Variants in ZNF560 observed in about 807,000 individuals in gnomAD.
The protein encoded by ZNF560 is zinc finger protein 560.
In ZNF560, 54 loss-of-function variants were observed where a neutral mutation model predicts 81.8. The ratio of observed to expected loss-of-function variants is 0.66; its 90% CI spans 0.53 to 0.83. The LOEUF (loss-of-function observed/expected upper bound fraction) is 0.83. Among genes scored for constraint, ZNF560 ranks in the 40% least tolerant of loss-of-function variants. ZNF560 has a pLI of 0.00. For missense variants in ZNF560, 940 were observed against 932.4 expected (o/e 1.01, Z -0.11); for synonymous variants, 321 against 317.9 (o/e 1.01, Z -0.10).
the ZNF560 span, among the ~76,000 whole-genome samples, chr19:9,454,814 T>C: frequency 6.6e-6 from 1 of 151,880 alleles, no homozygotes; most frequent in African/African-American, 2.4e-5. Flanking sequence ...CCTTGGAAGC[T>C]TTTCACACTG....
intron 2 of ZNF560, among the ~76,000 whole-genome samples, chr19:9,479,773 A>AT (rs1161591401): frequency 1.3e-5 from 2 of 152,180 alleles, no homozygotes; most frequent in Non-Finnish European, 2.9e-5. Context: ...TAATCTAAAG[A>AT]TATTTTAAAG....
chr19:9,449,852 CCA>C, the ZNF560 span, among the ~76,000 whole-genome samples: 1 of 151,950 alleles, frequency 6.6e-6, no homozygotes, highest in African/African-American at 2.4e-5. Context: ...GCCTGTAATC[CCA>C]GTTACTTGGG....
At chr19:9,451,324 C>T in the ZNF560 span, among the ~76,000 whole-genome samples, 1 of 152,056 alleles carries the variant, frequency 6.6e-6, no homozygotes, top group East Asian at 1.9e-4. Flanking sequence ...AGCCACATAC[C>T]TACAACCATC....
At chr19:9,484,824 CT>C (rs1373894398) in intron 2 of ZNF560, among the ~76,000 whole-genome samples, 1 of 146,678 alleles carries the variant, frequency 6.8e-6, no homozygotes, top group African/African-American at 2.5e-5. Context: ...AAAATTAAGC[CT>C]TTAAAAAATA....
chr19:9,458,123 T>C, the ZNF560 span, among the ~76,000 whole-genome samples: 1 of 152,202 alleles, frequency 6.6e-6, no homozygotes, highest in African/African-American at 2.4e-5. Context: ...ACTCGGATTG[T>C]TAAATTACAC....
chr19:9,475,367 G>C lies in ZNF560; in HGVS notation c.-54C>G, dbSNP rs542595002. The C allele has an allele frequency of 5.4e-5, 85 of 1,587,728 alleles. No individual in the cohort carries two copies. In the African/African-American group the frequency reaches 1.0e-3, roughly 19 times the overall value. ...TGAAGGCAGATTGGGTTCCTAGAAA[G>C]ACCTGGAAAAGAAAGAAGGCATAAG... On this transcript the variant is annotated splice_region_variant and 5_prime_UTR_variant, in exon 3 of 10. Coordinates refer to ENST00000301480, the MANE Select transcript of ZNF560 (RefSeq NM_152476.3).
At chr19:9,459,225 C>A in the ZNF560 span, among the ~76,000 whole-genome samples, 1 of 152,200 alleles carries the variant, frequency 6.6e-6, no homozygotes, top group Non-Finnish European at 1.5e-5. Flanking sequence ...TAGGACTCCA[C>A]ACATGCAACT....
In ZNF560 at chr19:9,474,295, C is replaced by T; in HGVS notation, c.61G>A (p.Asp21Asn). 9 of 1,614,028 alleles carry T rather than the reference C, an allele frequency of 5.6e-6. No individual in the cohort carries two copies. Among genetic ancestry groups the T allele is most frequent in the Non-Finnish European group, 7.6e-6 (9 of 1,179,936 alleles). Residue 21 changes from aspartate to asparagine, a missense_variant, in exon 4 of 10, where the codon GAC (aspartate) becomes AAC (asparagine). Physicochemically the swap from Asp to Asn is conservative, Grantham distance 23 (BLOSUM62 1). Coordinates refer to ENST00000301480, the MANE Select transcript of ZNF560 (RefSeq NM_152476.3). The stretch of plus-strand genomic sequence containing the variant: ...AAAATCCACTCCTCCTGGGTGAAGT[C>T]CACAGCTGTATCCTCAAAGGTCACG... ...YSVTFEDTAV[D>N]FTQEEWILLD...
At chr19:9,473,324 T>C in intron 4 of ZNF560, 65 bp from the exon 5 acceptor site, 1 of 1,260,746 alleles carries the variant, frequency 7.9e-7, no homozygotes, top group Non-Finnish European at 1.1e-6. Flanking sequence ...CTCATGCCTG[T>C]AATCCCAGCA....
At chr19:9,473,047 A>C (rs2073147035) in intron 5 of ZNF560, 132 bp downstream of exon 5, 7 of 768,986 alleles carry the variant, frequency 9.1e-6, no homozygotes, top group Non-Finnish European at 1.6e-5. Context: ...ATCGTGAGCC[A>C]AAATAAACCT....
intron 2 of ZNF560, among the ~76,000 whole-genome samples, chr19:9,475,606 A>AG: frequency 7.0e-6 from 1 of 143,190 alleles, no homozygotes; most frequent in South Asian, 2.2e-4. Flanking sequence ...AGGTAAAGAA[A>AG]CTTTTTTTTT....
downstream of ZNF560, among the ~76,000 whole-genome samples, chr19:9,463,465 G>C (rs2072966122): frequency 1.3e-5 from 2 of 152,124 alleles, no homozygotes; most frequent in Admixed American, 1.3e-4. Flanking sequence ...GGTTTTATTT[G>C]AGACAATCAG....
In ZNF560 at chr19:9,467,585, A is replaced by T. The variant is rs1003671923; in HGVS notation, c.1362T>A (p.His454Gln). The T allele has an allele frequency of 1.9e-6, 3 of 1,613,912 alleles. No individual in the cohort carries two copies. Among genetic ancestry groups the T allele is most frequent in the African/African-American group, 2.7e-5 (2 of 74,876 alleles). The change falls in exon 10 of 10, where the codon CAT (histidine) becomes CAA (glutamine). Residue 454 changes from histidine (H) to glutamine (Q), a missense_variant. Transcript: ENST00000301480. Reference protein sequence around the residue: ...YPSLFGHLRVHNGEKPYEHKE... With the variant: ...YPSLFGHLRVQNGEKPYEHKE... ...TATGCTCATATGGCTTCTCTCCATT[A>T]TGAACTCTCAAATGTCCAAAAAGAG...
At chr19:9,485,633 C>A (rs1002685266) in intron 2 of ZNF560, among the ~76,000 whole-genome samples, 2 of 151,578 alleles carry the variant, frequency 1.3e-5, no homozygotes, top group African/African-American at 4.9e-5. Flanking sequence ...GCAACCTCCA[C>A]CTCCTGGGTT....
chr19:9,453,319 T>C, the ZNF560 span, among the ~76,000 whole-genome samples: 1 of 152,278 alleles, frequency 6.6e-6, no homozygotes, highest in Non-Finnish European at 1.5e-5. Context: ...TAAGCCATCC[T>C]GTGATAATTT....
chr19:9,452,626 C>A, the ZNF560 span, among the ~76,000 whole-genome samples: 1 of 152,218 alleles, frequency 6.6e-6, no homozygotes, highest in East Asian at 1.9e-4. Context: ...TGGAGGTGAT[C>A]ATCCTAAACA....
intron 2 of ZNF560, among the ~76,000 whole-genome samples, chr19:9,483,230 C>T (rs1250087682): frequency 1.3e-5 from 2 of 151,830 alleles, no homozygotes; most frequent in African/African-American, 4.8e-5. Flanking sequence ...GCGTCTCTGC[C>T]CGGCTGCCCA....
At chr19:9,483,509 C>T (rs2073330861) in intron 2 of ZNF560, among the ~76,000 whole-genome samples, 1 of 150,004 alleles carries the variant, frequency 6.7e-6, no homozygotes, top group African/African-American at 2.4e-5. Flanking sequence ...CCCCGCCCGG[C>T]CAGCCGCCCC....
chr19:9,467,024 G>C lies in ZNF560; in HGVS notation c.1923C>G (p.Ser641=). ...GAGTTCTTAAATGATCAACTAGACT[G>C]GAGGAGACAACAAAGGCTTTCCCAC... The part of the protein sequence containing the change: ...KDCGKAFVVS[S]SLVDHLRTHT... Residue 641 remains serine (S), a synonymous_variant, in exon 10 of 10, where the codon TCC becomes TCG. Coordinates refer to ENST00000301480, the MANE Select transcript of ZNF560 (RefSeq NM_152476.3). 1 of 1,611,418 alleles carries C rather than the reference G, an allele frequency of 6.2e-7. No individual in the cohort carries two copies. The highest frequency in any genetic ancestry group is 8.5e-7 in the Non-Finnish European group (1 of 1,179,218).
Sources: allele counts gnomAD v4.1 joint callset (sites outside exome capture counted in the v4.1 genomes callset), GRCh38; gene constraint gnomAD v4.1.1; transcripts MANE v1.5; gene names NCBI Gene and HGNC (gene_info 2026-07-23, HGNC 2026-07-21).